The following PEX1 variants were observed in gnomAD, a reference collection of about 807,000 sequenced individuals.
PEX1 encodes the protein peroxisomal ATPase PEX1.
Under a neutral mutation model 152.5 loss-of-function variants are expected in PEX1, and 97 were observed. The observed-to-expected ratio is 0.64, with a 90% CI of 0.54 to 0.75. The LOEUF (loss-of-function observed/expected upper bound fraction) is 0.75. PEX1 is among the 30% of genes least tolerant of loss of function. PEX1 has a pLI of 0.00. For synonymous variants in PEX1, 485 were observed against 531.6 expected (o/e 0.91, Z 1.21); for missense variants, 1,357 against 1,516.3 (o/e 0.89, Z 1.74).
chr7:92,525,467 C>T lies in PEX1; in HGVS notation c.129+2840G>A, dbSNP rs187502485. Among the ~76,000 whole-genome samples the T allele has an allele frequency of 1.4e-3, 211 of 152,316 alleles. 2 individuals are homozygous for T. Among genetic ancestry groups the T allele is most frequent in the African/African-American group, 4.7e-3 (195 of 41,570 alleles). On this transcript the variant is annotated intron_variant, in intron 1 of 23. Coordinates refer to ENST00000248633, the MANE Select transcript of PEX1 (RefSeq NM_000466.3). ...ATGAATCCTCTCCCCCTGCTGCAATCACATCAAGTTCTGAGTACAGAGAAG... is the reference window on the plus strand; with the variant it reads ...ATGAATCCTCTCCCCCTGCTGCAATTACATCAAGTTCTGAGTACAGAGAAG...
Position 92,501,737 on chromosome 7 carries a change from G to A in PEX1, c.2417-64C>T. 2.1e-6 allele frequency: 3 copies of A among 1,442,426 alleles called. No homozygotes were observed. The South Asian group carries it at 3.5e-5, about 17-fold the overall frequency. 89.4% of individuals were successfully genotyped at this position (1,442,426 alleles called of 1,614,324 possible). ...TTCACTATATGAATTTTCAAAATAT[G>A]CCATCATCTTAGCTGGAAACACTAA... is the stretch of plus-strand genomic sequence containing the variant. On this transcript the variant is annotated intron_variant, in intron 14 of 23. Transcript: ENST00000248633.
At chr7:92,494,006 T>G in intron 19 of PEX1, 1 of 357,560 alleles carries the variant, frequency 2.8e-6, no homozygotes, top group East Asian at 6.5e-5. Context: ...TATGTAATCT[T>G]TGAACAGAAG....
At chr7:92,491,586 T>C in intron 20 of PEX1, 84 bp from the exon 21 acceptor site, 3 of 822,496 alleles carry the variant, frequency 3.6e-6, no homozygotes, top group South Asian at 2.8e-5. Flanking sequence ...TAGCATTCTA[T>C]TAGAGCAATA....
At chr7:92,507,288 G>A in intron 9 of PEX1, 162 bp from the exon 10 acceptor site, 1 of 603,402 alleles carries the variant, frequency 1.7e-6, no homozygotes, top group Non-Finnish European at 2.8e-6. Context: ...ATCCAGGCTG[G>A]AGCGCAGTGG....
chr7:92,521,954 A>G (rs967173597), intron 2 of PEX1, 148 bp downstream of exon 2: 6 of 734,928 alleles, frequency 8.2e-6, no homozygotes, highest in Non-Finnish European at 1.2e-5. Context: ...GAGTATAGTC[A>G]GCTTCAATAT....
intron 7 of PEX1, 32 bp from the exon 8 acceptor site, chr7:92,511,079 A>G: frequency 1.0e-6 from 1 of 966,036 alleles, no homozygotes; most frequent in Non-Finnish European, 1.7e-6. Context: ...ATGCAGAGTT[A>G]GTACTGAAAC....
At position 92,493,020 on chromosome 7, in the gene PEX1, A is replaced by C; in HGVS notation, c.3140T>G (p.Leu1047Arg). 6.2e-7 allele frequency: 1 copy of C among 1,613,660 alleles called. No homozygotes were observed. Among genetic ancestry groups the C allele is most frequent in the Non-Finnish European group, 8.5e-7 (1 of 1,179,570 alleles). Residue 1047 changes from leucine to arginine, a missense_variant, in exon 20 of 24, where the codon CTG becomes CGG. Leu to Arg is a moderately radical substitution (Grantham distance 102). Coordinates refer to ENST00000248633, the MANE Select transcript of PEX1 (RefSeq NM_000466.3). ...SVTDSFTGAD[L>R]KALLYNAQLE... ...TTGGGCATTGTAAAGTAAAGCTTTC[A>C]GATCAGCTCCAGTAAAGGAGTCAGT...
At chr7:92,520,097 C>A (rs956843359) in intron 2 of PEX1, among the ~76,000 whole-genome samples, 2 of 151,380 alleles carry the variant, frequency 1.3e-5, no homozygotes, top group Non-Finnish European at 2.9e-5. Flanking sequence ...AATAAGGGAT[C>A]TAAAAAAATC....
intron 1 of PEX1, among the ~76,000 whole-genome samples, chr7:92,528,067 T>A (rs1232505735): frequency 3.9e-5 from 6 of 152,366 alleles, no homozygotes; most frequent in Admixed American, 1.3e-4. Flanking sequence ...GGTAGAATAT[T>A]AGGACGTTTC....
chr7:92,505,513 G>A (rs1401650531), intron 11 of PEX1, among the ~76,000 whole-genome samples: 1 of 151,968 alleles, frequency 6.6e-6, no homozygotes, highest in East Asian at 1.9e-4. Flanking sequence ...AATTTTAGAT[G>A]GCTTACAACA....
At chr7:92,496,679 T>A in intron 17 of PEX1, 34 bp downstream of exon 17, 1 of 1,332,984 alleles carries the variant, frequency 7.5e-7, no homozygotes, top group Non-Finnish European at 1.1e-6. Context: ...AATAACAGAG[T>A]CAGTTACTTT....
intron 6 of PEX1, among the ~76,000 whole-genome samples, chr7:92,512,040 C>T (rs907279354): frequency 1.3e-5 from 2 of 152,202 alleles, no homozygotes; most frequent in African/African-American, 4.8e-5. Context: ...AAAACAAATT[C>T]CTTTTTCTTT....
intron 19 of PEX1, 128 bp downstream of exon 19, chr7:92,494,165 G>T: frequency 1.3e-6 from 1 of 754,214 alleles, no homozygotes; most frequent in Non-Finnish European, 2.3e-6. Context: ...TGAGCAAACA[G>T]TGGCTAAAGC....
At chr7:92,518,119 CA>C (rs1461674764) in intron 4 of PEX1, 21 bp downstream of exon 4, 1 of 1,602,252 alleles carries the variant, frequency 6.2e-7, no homozygotes, top group Non-Finnish European at 8.6e-7. Flanking sequence ...AATATGACAG[CA>C]AATATTACAA....
intron 5 of PEX1, among the ~76,000 whole-genome samples, chr7:92,517,050 C>A (rs1018925874): frequency 4.6e-5 from 7 of 152,168 alleles, no homozygotes; most frequent in African/African-American, 1.2e-4. Flanking sequence ...CTGGCCTGAA[C>A]CTATCTAAGC....
intron 13 of PEX1, among the ~76,000 whole-genome samples, 173 bp downstream of exon 13, chr7:92,502,868 T>A (rs1029078417): frequency 2.0e-5 from 3 of 152,240 alleles, no homozygotes; most frequent in Admixed American, 6.5e-5. Flanking sequence ...ACATTTCAGG[T>A]GGCTATAAAT....
chr7:92,510,399 G>A (rs947801683), intron 8 of PEX1, among the ~76,000 whole-genome samples: 5 of 151,610 alleles, frequency 3.3e-5, no homozygotes, highest in African/African-American at 9.7e-5. Flanking sequence ...CTGGGAGGTC[G>A]AGGCTGCAGT....
chr7:92,501,038 C>T (rs778521464), intron 15 of PEX1, among the ~76,000 whole-genome samples: 2 of 152,216 alleles, frequency 1.3e-5, no homozygotes, highest in African/African-American at 2.4e-5. Context: ...CAGAATTATA[C>T]ATCAAAATGT....
rs1791302028 is a variant in PEX1 at position 92,491,346 on chromosome 7, T to C, written c.3364A>G (p.Lys1122Glu). 1 of 1,613,992 alleles carries C rather than the reference T, an allele frequency of 6.2e-7. No homozygotes were observed. Among genetic ancestry groups the C allele is most frequent in the South Asian group, 1.1e-5 (1 of 91,086 alleles). ...EMSEILPDES[K>E]FNMYRLYFGS... ...AAGTAGAGCCGGTACATATTGAATT[T>C]TGATTCATCTGGAAGGATCTCGGAC... The change falls in exon 21 of 24, where the codon AAA (lysine) becomes GAA (glutamate). Residue 1122 changes from lysine (K) to glutamate (E), a missense_variant. Physicochemically the swap from Lys to Glu is moderately conservative, Grantham distance 56 (BLOSUM62 1). Transcript: ENST00000248633.
Sources: allele counts gnomAD v4.1 joint callset (sites outside exome capture counted in the v4.1 genomes callset), GRCh38; gene constraint gnomAD v4.1.1; transcripts MANE v1.5; gene names NCBI Gene and HGNC (gene_info 2026-07-23, HGNC 2026-07-21).